DROSHA: variants seen among roughly 807,000 people sequenced by gnomAD.
The protein encoded by DROSHA is ribonuclease 3.
In DROSHA, 56 loss-of-function variants were observed where a neutral mutation model predicts 181.9. The observed-to-expected ratio is 0.31, with a 90% CI of 0.25 to 0.38. The LOEUF is 0.38. Among genes scored for constraint, DROSHA ranks in the 10% least tolerant of loss-of-function variants. The pLI is 1.00. For synonymous variants in DROSHA, 524 were observed against 591.2 expected, an observed-to-expected ratio of 0.89 and a Z score of 1.65; for missense variants, 1,218 against 1,743.5, an observed-to-expected ratio of 0.70 and a Z score of 5.37.
chr5:31,520,883 C>T (rs1016890805), intron 6 of DROSHA, among the ~76,000 whole-genome samples: 18 of 152,010 alleles, frequency 1.2e-4, no homozygotes, highest in Non-Finnish European at 2.4e-4. Flanking sequence ...GCACTGTGGT[C>T]AGAAAAAGTG....
At chr5:31,517,830 C>T (rs1318422654) in intron 6 of DROSHA, among the ~76,000 whole-genome samples, 1 of 151,776 alleles carries the variant, frequency 6.6e-6, no homozygotes, top group African/African-American at 2.4e-5. Context: ...TTTGGGAGGC[C>T]GGGGTAGGAG....
intron 16 of DROSHA, among the ~76,000 whole-genome samples, chr5:31,482,180 C>T (rs1751105448): frequency 6.6e-6 from 1 of 152,208 alleles, no homozygotes; most frequent in South Asian, 2.1e-4. Flanking sequence ...CGAAGAAAAG[C>T]TCCCCAACCA....
In DROSHA at chr5:31,526,632, G is replaced by A. The variant is rs753008648; in HGVS notation, c.301C>T (p.Pro101Ser). The change falls in exon 5 of 36, where the codon CCT becomes TCT. Residue 101 changes from proline (P) to serine (S), a missense_variant. By Grantham distance (74) the Pro-to-Ser change is moderately conservative. Around this residue, in one of 8 missense-constraint regions of DROSHA, gnomAD observed 536 missense variants for 535.4 expected, o/e 1.00. Coordinates refer to ENST00000344624, the MANE Select transcript of DROSHA (RefSeq NM_001382508.1). ...GPLPPCPIRP[P>S]FPNHQMRHPF... is the part of the protein sequence containing the mutation. The stretch of plus-strand genomic sequence containing the variant: ...TGCCTCATCTGGTGGTTGGGGAAAG[G>A]CGGCCTGATTGGGCAGGGGGGAAGA... The A allele has an allele frequency of 6.6e-7, 1 of 1,519,806 alleles. No individual in the cohort carries two copies. Among genetic ancestry groups the A allele is most frequent in the Non-Finnish European group, 8.8e-7 (1 of 1,136,410 alleles). The allele number at this position is 1,519,806 out of a possible 1,614,324, so 94.1% of individuals were successfully genotyped here.
chr5:31,510,367 G>A (rs1441613736), intron 9 of DROSHA, among the ~76,000 whole-genome samples: 1 of 152,194 alleles, frequency 6.6e-6, no homozygotes, highest in African/African-American at 2.4e-5. Flanking sequence ...AGGTGTCTTT[G>A]CCCAGTATGG....
intron 20 of DROSHA, among the ~76,000 whole-genome samples, chr5:31,453,656 C>T (rs1339205016): frequency 6.6e-6 from 1 of 152,150 alleles, no homozygotes; most frequent in African/African-American, 2.4e-5. Context: ...CTTCCTTTAA[C>T]CTTTTCTCAT....
intron 15 of DROSHA, among the ~76,000 whole-genome samples, chr5:31,484,109 C>T (rs1185287123): frequency 4.6e-5 from 7 of 152,058 alleles, no homozygotes; most frequent in African/African-American, 7.2e-5. Flanking sequence ...CAGTGGCTCA[C>T]GCCTGTAATC....
chr5:31,408,997 G>A lies in DROSHA; in HGVS notation c.3854+59C>T, dbSNP rs368139258. 37 of 1,509,898 alleles carry A rather than the reference G, an allele frequency of 2.5e-5. No individual in the cohort carries two copies. The African/African-American group carries it at 4.4e-4, about 18-fold the overall frequency. The allele number at this position is 1,509,898 out of a possible 1,614,324, so 93.5% of individuals were successfully genotyped here. A position where few individuals can be genotyped will look rare whatever the true frequency, so the allele number is the denominator to read the frequency against. On this transcript the variant is annotated intron_variant, in intron 33 of 35. Coordinates refer to ENST00000344624, the MANE Select transcript of DROSHA (RefSeq NM_001382508.1). ...AATGACTCATTCTTCAAGGCACATG[G>A]AAAGTCAATTTTAGGCATGCTGGAT...
intron 20 of DROSHA, among the ~76,000 whole-genome samples, chr5:31,463,384 C>T (rs1244392440): frequency 6.6e-6 from 1 of 152,098 alleles, no homozygotes; most frequent in Non-Finnish European, 1.5e-5. Context: ...TTAAAAAATT[C>T]ATTATGATGA....
intron 28 of DROSHA, among the ~76,000 whole-genome samples, chr5:31,424,065 T>C (rs570339216): frequency 1.3e-5 from 2 of 152,356 alleles, no homozygotes; most frequent in East Asian, 3.9e-4. Context: ...CTCGCTTCCA[T>C]ACTATTAACA....
chr5:31,519,591 G>T (rs1182382215), intron 6 of DROSHA, among the ~76,000 whole-genome samples: 3 of 152,102 alleles, frequency 2.0e-5, no homozygotes, highest in Admixed American at 2.0e-4. Flanking sequence ...AAGCAATGGG[G>T]CCTCCTTGCC....
chr5:31,489,309 C>T (rs891760310), intron 13 of DROSHA, among the ~76,000 whole-genome samples: 6 of 152,174 alleles, frequency 3.9e-5, no homozygotes, highest in African/African-American at 4.8e-5. Flanking sequence ...GATTTATGCA[C>T]GTACAGTCCT....
At chr5:31,414,210 A>AT (rs530839431) in intron 30 of DROSHA, among the ~76,000 whole-genome samples, 27 of 150,660 alleles carry the variant, frequency 1.8e-4, no homozygotes, top group East Asian at 5.8e-4. Context: ...TTGTGAGGTA[A>AT]TTTTTTTTTT....
At chr5:31,529,019 C>T (rs1234403510) in intron 4 of DROSHA, 21 bp downstream of exon 4, 1 of 1,612,874 alleles carries the variant, frequency 6.2e-7, no homozygotes, top group Non-Finnish European at 8.5e-7. Flanking sequence ...AAACTATTGC[C>T]ATTCCCATCA....
At chr5:31,505,143 CTT>C (rs901150587) in intron 10 of DROSHA, among the ~76,000 whole-genome samples, 6 of 152,180 alleles carry the variant, frequency 3.9e-5, no homozygotes, top group African/African-American at 1.4e-4. Context: ...GATTACATCT[CTT>C]TCTCTGAATT....
intron 23 of DROSHA, among the ~76,000 whole-genome samples, chr5:31,446,091 A>T (rs192643929): frequency 8.1e-4 from 124 of 152,360 alleles, no homozygotes; most frequent in African/African-American, 2.8e-3. Context: ...CATAAAACCA[A>T]TACACAAAAA....
In DROSHA at chr5:31,500,634, G is replaced by T. The variant is rs962357338; in HGVS notation, c.1668+3921C>A. ...AGGACACACCAAAACAAATGTGCAG[G>T]TGACAGGAGCACAAACATCATCAGG... is the stretch of plus-strand genomic sequence containing the variant. On this transcript the variant is annotated intron_variant, in intron 11 of 35. Coordinates refer to ENST00000344624, the MANE Select transcript of DROSHA (RefSeq NM_001382508.1). 2.0e-5 allele frequency among the ~76,000 whole-genome samples: 3 copies of T among 152,226 alleles called. No homozygotes were observed. In the East Asian group the frequency reaches 5.8e-4, roughly 29 times the overall value.
rs34318439 is a variant in DROSHA, at chr5:31,526,672, C to T, written c.261G>A (p.Pro87=). 5.2e-3 allele frequency: 6,855 copies of T among 1,323,714 alleles called. 103 individuals are homozygous for T. Among genetic ancestry groups the T allele is most frequent in the African/African-American group, 0.05 (2,222 of 44,640 alleles). The allele number at this position is 1,323,714 out of a possible 1,614,324, so 82.0% of individuals were successfully genotyped here. ...DFVPFPPPMP[P]SAQGPLPPCP... is the part of the protein sequence containing the mutation. ...AGGGGGGAAGAGGGCCTTGCGCTGA[C>T]GGAGGCATGGGTGGGGGGAAGGGTA... The change falls in exon 5 of 36, where the codon CCG becomes CCA. Residue 87 remains proline, a synonymous_variant. Coordinates refer to ENST00000344624, the MANE Select transcript of DROSHA (RefSeq NM_001382508.1).
intron 10 of DROSHA, among the ~76,000 whole-genome samples, chr5:31,506,228 G>C (rs1389255478): frequency 2.6e-5 from 4 of 152,092 alleles, no homozygotes; most frequent in Non-Finnish European, 4.4e-5. Flanking sequence ...TGGGCATGGT[G>C]GTGGGCGCCT....
chr5:31,402,958 T>C (rs1740203094), intron 35 of DROSHA, among the ~76,000 whole-genome samples: 1 of 152,220 alleles, frequency 6.6e-6, no homozygotes, highest in Non-Finnish European at 1.5e-5. Flanking sequence ...AATTTTTGTA[T>C]TTTTAGTCGA....
Sources: allele counts gnomAD v4.1 joint callset (sites outside exome capture counted in the v4.1 genomes callset), GRCh38; gene constraint gnomAD v4.1.1; regional missense constraint gnomAD v4.1.1; transcripts MANE v1.5; gene names NCBI Gene and HGNC (gene_info 2026-07-23, HGNC 2026-07-21).